The following PSMA6 variants were observed in gnomAD, a reference collection of about 807,000 sequenced individuals.
PSMA6 encodes proteasome subunit alpha type-6.
For missense variants in PSMA6, 170 were observed against 294.8 expected (o/e 0.58, Z 3.10); for synonymous variants, 88 against 97.7 (o/e 0.90, Z 0.59).
upstream of PSMA6, among the ~76,000 whole-genome samples, chr14:35,289,508 T>G (rs2051454841): frequency 7.2e-6 from 1 of 139,336 alleles, no homozygotes; most frequent in African/African-American, 2.7e-5. Context: ...TTTTTTGTTG[T>G]TGTTGTATTT....
intron 5 of PSMA6, 181 bp from the exon 6 acceptor site, chr14:35,314,180 G>T: frequency 1.8e-6 from 1 of 547,064 alleles, no homozygotes; most frequent in South Asian, 6.6e-5. Flanking sequence ...TGACTTGGTA[G>T]AAAAAAATTT....
chr14:35,291,495 C>T (rs2051479527), upstream of PSMA6, among the ~76,000 whole-genome samples: 2 of 151,060 alleles, frequency 1.3e-5, no homozygotes, highest in African/African-American at 4.9e-5. Context: ...GCTGGGATTA[C>T]AGGCGTGAGC....
chr14:35,303,559 A>G (rs930512161), intron 1 of PSMA6, among the ~76,000 whole-genome samples: 35 of 152,212 alleles, frequency 2.3e-4, no homozygotes, highest in African/African-American at 8.4e-4. Flanking sequence ...CTTCCCCTCT[A>G]GAATCTGACT....
At chr14:35,299,230 C>G (rs2051660112) in intron 1 of PSMA6, among the ~76,000 whole-genome samples, 1 of 151,698 alleles carries the variant, frequency 6.6e-6, no homozygotes, top group Admixed American at 6.6e-5. Context: ...CTTGGTGTTT[C>G]CCAGGCTGGT....
upstream of PSMA6, chr14:35,292,243 G>A (rs1480675123): frequency 7.8e-6 from 10 of 1,277,284 alleles, no homozygotes; most frequent in Non-Finnish European, 1.0e-5. Context: ...CCTGCTTGGC[G>A]CAGGCGCATA....
chr14:35,299,055 C>G (rs1306330894), intron 1 of PSMA6, among the ~76,000 whole-genome samples: 3 of 149,672 alleles, frequency 2.0e-5, no homozygotes, highest in Admixed American at 6.6e-5. Flanking sequence ...GAGACAGGGT[C>G]TCACTCTGTC....
At chr14:35,291,574 A>G (rs2051481025), upstream of PSMA6, among the ~76,000 whole-genome samples, 1 of 151,800 alleles carries the variant, frequency 6.6e-6, no homozygotes. Flanking sequence ...CTGTAATCCC[A>G]GCACTCTGGG....
chr14:35,317,241 C>T lies in PSMA6; in HGVS notation c.684-8C>T, dbSNP rs767868254. 1.9e-6 allele frequency: 3 copies of T among 1,611,692 alleles called. No individual in the cohort carries two copies. The Admixed American group carries it at 5.0e-5, about 27-fold the overall frequency. ...AATCGTTGTTTTTTTCCCCCTTTTG[C>T]CTTCTAGGATTCTTACAGAAGCAGA... On this transcript the variant is annotated splice_region_variant and splice_polypyrimidine_tract_variant and intron_variant, in intron 6 of 6. Transcript: ENST00000261479.
upstream of PSMA6, among the ~76,000 whole-genome samples, chr14:35,290,266 C>T (rs977119720): frequency 1.3e-5 from 2 of 152,116 alleles, no homozygotes; most frequent in Non-Finnish European, 2.9e-5. Context: ...GCAGCCTTAC[C>T]GAGAACTCTG....
At chr14:35,287,999 AAAATCTC>A (rs1213539644), upstream of PSMA6, among the ~76,000 whole-genome samples, 5 of 152,376 alleles carry the variant, frequency 3.3e-5, 1 homozygote, top group Middle Eastern at 6.8e-3. Context: ...GCTATGTGGA[AAAATCTC>A]AAATTCTAAT....
intron 1 of PSMA6, among the ~76,000 whole-genome samples, chr14:35,307,444 A>G (rs1163075418): frequency 6.6e-6 from 1 of 152,104 alleles, no homozygotes; most frequent in Non-Finnish European, 1.5e-5. Flanking sequence ...AAATTAAACC[A>G]TTATTGGGGC....
intron 1 of PSMA6, among the ~76,000 whole-genome samples, chr14:35,295,868 A>G (rs2051577174): frequency 6.6e-6 from 1 of 152,230 alleles, no homozygotes; most frequent in Non-Finnish European, 1.5e-5. Flanking sequence ...CCAAGTTACT[A>G]GAGGGAGGAG....
intron 1 of PSMA6, among the ~76,000 whole-genome samples, chr14:35,307,478 A>C (rs955269562): frequency 7.9e-5 from 12 of 152,200 alleles, no homozygotes; most frequent in Non-Finnish European, 8.8e-5. Context: ...TCACACCTGT[A>C]ATCCCTGCAC....
At chr14:35,310,689 G>A (rs2051927681) in intron 3 of PSMA6, 51 bp from the exon 4 acceptor site, 1 of 1,596,478 alleles carries the variant, frequency 6.3e-7, no homozygotes, top group Non-Finnish European at 8.6e-7. Flanking sequence ...CTGGCTTTCA[G>A]GTTTGTTCTT....
upstream of PSMA6, among the ~76,000 whole-genome samples, chr14:35,291,163 A>AT (rs951434179): frequency 5.1e-5 from 7 of 136,948 alleles, no homozygotes; most frequent in Admixed American, 5.2e-4. Flanking sequence ...AGCTAATTTT[A>AT]TTTTTTGTAG....
chr14:35,311,048 G>T (rs2051934849), intron 4 of PSMA6, 153 bp downstream of exon 4: 1 of 723,342 alleles, frequency 1.4e-6, no homozygotes, highest in African/African-American at 1.8e-5. Flanking sequence ...CAGAACTAAA[G>T]GATAGGTTTC....
At chr14:35,304,658 C>T (rs1052149664) in intron 1 of PSMA6, among the ~76,000 whole-genome samples, 1 of 149,602 alleles carries the variant, frequency 6.7e-6, no homozygotes, top group Non-Finnish European at 1.5e-5. Flanking sequence ...ACCCAGGAGG[C>T]AGGGGTTGCA....
Position 35,299,010 on chromosome 14 carries a change from A to G in PSMA6, c.76+6458A>G, listed in dbSNP as rs531391482. On this transcript the variant is annotated intron_variant, in intron 1 of 6. Transcript: ENST00000261479. ...CGGCCTCCCGAAGTACTGGTATTAT[A>G]GGCGTGAGTCACTGCGTCCAGCTAT... 1.1e-4 allele frequency among the ~76,000 whole-genome samples: 17 copies of G among 152,054 alleles called. No individual in the cohort carries two copies. In the South Asian group the frequency reaches 2.9e-3, roughly 26 times the overall value.
chr14:35,312,782 C>A, intron 4 of PSMA6, 99 bp from the exon 5 acceptor site: 1 of 1,112,446 alleles, frequency 9.0e-7, no homozygotes, highest in Non-Finnish European at 1.2e-6. Context: ...AATTGATGGC[C>A]AAAGTCATGA....
Sources: allele counts gnomAD v4.1 joint callset (sites outside exome capture counted in the v4.1 genomes callset), GRCh38; gene constraint gnomAD v4.1.1; transcripts MANE v1.5; gene names NCBI Gene and HGNC (gene_info 2026-07-23, HGNC 2026-07-21).